CD84: variants seen among roughly 807,000 people sequenced by gnomAD.
CD84 encodes CD84 molecule.
Under a neutral mutation model 33.8 loss-of-function variants are expected in CD84, and 22 were observed. The ratio of observed to expected loss-of-function variants is 0.65; its 90% CI spans 0.46 to 0.93. The LOEUF (loss-of-function observed/expected upper bound fraction) is 0.93. Among genes scored for constraint, CD84 ranks in the 40% least tolerant of loss-of-function variants. The probability of loss-of-function intolerance (pLI) is 0.00; values close to 1 mark genes in which losing one functional copy is unlikely to be tolerated. For synonymous variants in CD84, 154 were observed against 145.2 expected, an observed-to-expected ratio of 1.06 and a Z score of -0.44; for missense variants, 400 against 397.6, an observed-to-expected ratio of 1.01 and a Z score of -0.05.
In CD84 at chr1:160,553,381, GTCTTC is replaced by G; in HGVS notation, c.752_756del (p.Arg251ThrfsTer28). 1 of 1,614,106 alleles carries G rather than the reference GTCTTC, an allele frequency of 6.2e-7. No homozygotes were observed. Among genetic ancestry groups the G allele is most frequent in the Non-Finnish European group, 8.5e-7 (1 of 1,180,016 alleles). On this transcript the variant is annotated frameshift_variant, in exon 4 of 7. Coordinates refer to ENST00000368054, the MANE Select transcript of CD84 (RefSeq NM_003874.4). LOFTEE classifies it high-confidence loss of function. ...TTACCTTCTGGGAAAATCCTACCTTGTCTTCTCTTGAACAAACGGAACAAAAACAC... is the reference window on the plus strand; with the variant it reads ...TTACCTTCTGGGAAAATCCTACCTTGTCTTGAACAAACGGAACAAAAACAC...
chr1:160,542,418 G>A lies in CD84; in HGVS notation c.*5838C>T, dbSNP rs933972645. Reference sequence around the variant, plus strand: ...TGGGAGGTCAGAAACAGACCTGTGAGTTAGATTTTGGACACGCTAAACTTG... The same window carrying A: ...TGGGAGGTCAGAAACAGACCTGTGAATTAGATTTTGGACACGCTAAACTTG... On this transcript the variant is annotated 3_prime_UTR_variant, in exon 7 of 7. Transcript: ENST00000368054. The A allele has an allele frequency of 6.6e-6, 1 of 152,184 alleles. No homozygotes were observed. The highest frequency in any genetic ancestry group is 1.5e-5 in the Non-Finnish European group (1 of 68,042). The allele number at this position is 152,184 out of a possible 1,614,324, so 9.4% of individuals were successfully genotyped here. A position where few individuals can be genotyped will look rare whatever the true frequency, so the allele number is the denominator to read the frequency against.
rs201874578 is a variant in CD84 at position 160,561,017 on chromosome 1, AAAAACAAAAC to A, written c.388+4377_388+4386del. Reference sequence around the variant, plus strand: ...GGCAGTACTAAATAGCCTACCAACCAAAAACAAAACAAAACAAAACAAAACAAAAGCCAGG... The same window carrying A: ...GGCAGTACTAAATAGCCTACCAACCAAAAACAAAACAAAACAAAAGCCAGG... On this transcript the variant is annotated intron_variant, in intron 2 of 6. Coordinates refer to ENST00000368054, the MANE Select transcript of CD84 (RefSeq NM_003874.4). Among the ~76,000 whole-genome samples, 150 of 152,184 alleles carry A rather than the reference AAAAACAAAAC, an allele frequency of 9.9e-4. 4 individuals are homozygous for A. The East Asian group carries it at 0.024, about 24-fold the overall frequency.
intron 1 of CD84, among the ~76,000 whole-genome samples, chr1:160,575,487 C>A (rs1203893204): frequency 1.5e-5 from 2 of 130,380 alleles, no homozygotes; most frequent in Non-Finnish European, 3.2e-5. Flanking sequence ...TGAATCAGTT[C>A]CTTCAAAACA....
intron 3 of CD84, 98 bp from the exon 4 acceptor site, chr1:160,553,595 G>A (rs1219783495): frequency 7.1e-7 from 1 of 1,415,244 alleles, no homozygotes; most frequent in African/African-American, 1.4e-5. Flanking sequence ...AAAATTGGGT[G>A]CCCTCCGAAG....
At position 160,571,972 on chromosome 1, in the gene CD84, AGGGTCACACCC is replaced by A. The variant is rs1252553976; in HGVS notation, c.47-6238_47-6228del. Among the ~76,000 whole-genome samples the A allele has an allele frequency of 3.6e-3, 546 of 152,340 alleles. 1 individual carries two copies. Among genetic ancestry groups the A allele is most frequent in the Non-Finnish European group, 6.3e-3 (430 of 68,024 alleles). On this transcript the variant is annotated intron_variant, in intron 1 of 6. Transcript: ENST00000368054. ...GGCAGTGGAAGCTGTAGATTTAAGG[AGGGTCACACCC>A]TCACCTGAAGTGGAAAGGGGAAAGG...
chr1:160,545,683 G>A lies in CD84; in HGVS notation c.*2573C>T, dbSNP rs1655788766. ...CTCACTCTGTTGCCCAGCCTGGAGTGCAGTGGCAGGATCTCAGCTCACTGC... is the reference window on the plus strand; with the variant it reads ...CTCACTCTGTTGCCCAGCCTGGAGTACAGTGGCAGGATCTCAGCTCACTGC... On this transcript the variant is annotated 3_prime_UTR_variant, in exon 7 of 7. Coordinates refer to ENST00000368054, the MANE Select transcript of CD84 (RefSeq NM_003874.4). 6.6e-6 allele frequency: 1 copy of A among 152,324 alleles called. No individual in the cohort carries two copies. The highest frequency in any genetic ancestry group is 2.1e-4 in the South Asian group (1 of 4,832). The allele number at this position is 152,324 out of a possible 1,614,324, so 9.4% of individuals were successfully genotyped here. A position where few individuals can be genotyped will look rare whatever the true frequency, so the allele number is the denominator to read the frequency against.
rs1415765578 is a variant in CD84, at chr1:160,542,512, G to A, written c.*5744C>T. The stretch of plus-strand genomic sequence containing the variant: ...GGAAATACAAGTTGTAAATGAAAGA[G>A]TTGAGATTATGAGCATTTAAAAATT... On this transcript the variant is annotated 3_prime_UTR_variant, in exon 7 of 7. Transcript: ENST00000368054. The A allele has an allele frequency of 1.3e-5, 2 of 152,190 alleles. No individual in the cohort carries two copies. The highest frequency in any genetic ancestry group is 4.8e-5 in the African/African-American group (2 of 41,450). 9.4% of individuals were successfully genotyped at this position (152,190 alleles called of 1,614,324 possible).
At chr1:160,551,982 A>C (rs1656261185) in intron 4 of CD84, among the ~76,000 whole-genome samples, 1 of 152,162 alleles carries the variant, frequency 6.6e-6, no homozygotes, top group Non-Finnish European at 1.5e-5. Flanking sequence ...ACGTCAGTGT[A>C]CTCCTTTGCT....
chr1:160,575,949 A>T (rs1288954414), intron 1 of CD84, among the ~76,000 whole-genome samples: 1 of 152,050 alleles, frequency 6.6e-6, no homozygotes, highest in Non-Finnish European at 1.5e-5. Context: ...ACAGCTTTCC[A>T]CCCTCTGTTT....
chr1:160,579,243 C>G (rs920822553), intron 1 of CD84, 149 bp downstream of exon 1: 1 of 959,578 alleles, frequency 1.0e-6, no homozygotes, highest in Non-Finnish European at 1.5e-6. Flanking sequence ...CTCTCCCCAG[C>G]CAGTTGGATC....
chr1:160,561,472 G>A (rs1656958675), intron 2 of CD84, among the ~76,000 whole-genome samples: 1 of 152,092 alleles, frequency 6.6e-6, no homozygotes, highest in African/African-American at 2.4e-5. Context: ...ATCACTTCAT[G>A]TTAAACACTC....
chr1:160,553,353 A>G (rs1656366515), intron 4 of CD84, 25 bp downstream of exon 4: 1 of 1,614,112 alleles, frequency 6.2e-7, no homozygotes. Flanking sequence ...GAGTTTCCAC[A>G]TTTTACCTTC....
chr1:160,553,449 A>G lies in CD84; in HGVS notation c.689T>C (p.Leu230Pro). 1 of 1,614,164 alleles carries G rather than the reference A, an allele frequency of 6.2e-7. No homozygotes were observed. The highest frequency in any genetic ancestry group is 8.5e-7 in the Non-Finnish European group (1 of 1,180,022). Residue 230 changes from leucine (L) to proline (P), a missense_variant, in exon 4 of 7, where the codon CTG becomes CCG. Coordinates refer to ENST00000368054, the MANE Select transcript of CD84 (RefSeq NM_003874.4). ...GAGAACAAGCAGAAAGAACATAGCC[A>G]GCACGCTCAGCAACCCGGTGTGGTG... The part of the protein sequence containing the change: ...RTHHTGLLSV[L>P]AMFFLLVLIL...
chr1:160,565,414 C>T lies in CD84; in HGVS notation c.378G>A (p.Leu126=). 1 of 1,594,050 alleles carries T rather than the reference C, an allele frequency of 6.3e-7. No individual in the cohort carries two copies. The part of the protein sequence containing the change: ...DPYTTTKRYN[L]QIYRRLGKPK... ...CTTCCCATGACTTACGATAGATTTG[C>T]AGGTTGTAGCGCTTGGTGGTGGTGT... The change falls in exon 2 of 7, where the codon CTG becomes CTA. Residue 126 remains leucine, a synonymous_variant. Transcript: ENST00000368054.
At chr1:160,549,870 G>T in intron 6 of CD84, 47 bp downstream of exon 6, 1 of 1,408,576 alleles carries the variant, frequency 7.1e-7, no homozygotes, top group Non-Finnish European at 1.0e-6. Flanking sequence ...CACCAGAATG[G>T]CTGGAAGAGT....
chr1:160,565,871 C>T, intron 1 of CD84, 126 bp from the exon 2 acceptor site: 3 of 708,086 alleles, frequency 4.2e-6, no homozygotes, highest in Non-Finnish European at 6.6e-6. Flanking sequence ...CTTGAGGATG[C>T]CTTTTTTTTT....
chr1:160,566,188 C>G (rs535923842), intron 1 of CD84, among the ~76,000 whole-genome samples: 1 of 152,232 alleles, frequency 6.6e-6, no homozygotes, highest in African/African-American at 2.4e-5. Context: ...TTCCTGTGAT[C>G]TCTGTAAAAA....
In CD84 at chr1:160,547,196, C is replaced by A. The variant is rs1655882558; in HGVS notation, c.*1060G>T. 1 of 398,770 alleles carries A rather than the reference C, an allele frequency of 2.5e-6. No homozygotes were observed. Among genetic ancestry groups the A allele is most frequent in the Non-Finnish European group, 4.4e-6 (1 of 226,062 alleles). 24.7% of individuals were successfully genotyped at this position (398,770 alleles called of 1,614,324 possible). ...ACTCTAGTTCTCTGAGTCTTTGGAA[C>A]TGGGATGAACCCAGTTTCATCATCT... On this transcript the variant is annotated 3_prime_UTR_variant, in exon 7 of 7. Transcript: ENST00000368054.
intron 1 of CD84, among the ~76,000 whole-genome samples, chr1:160,578,834 T>G (rs930695102): frequency 2.0e-5 from 3 of 152,186 alleles, no homozygotes; most frequent in Non-Finnish European, 4.4e-5. Flanking sequence ...GATAGTAATC[T>G]CTTCCTCATT....
Sources: allele counts gnomAD v4.1 joint callset (sites outside exome capture counted in the v4.1 genomes callset), GRCh38; gene constraint gnomAD v4.1.1; transcripts MANE v1.5; gene names NCBI Gene and HGNC (gene_info 2026-07-23, HGNC 2026-07-21).